HECW2: variants seen among roughly 807,000 people sequenced by gnomAD.
HECW2 encodes HECT, C2 and WW domain containing E3 ubiquitin protein ligase 2, also known as E3 ubiquitin-protein ligase HECW2.
A neutral mutation model predicts 175.2 loss-of-function variants in HECW2; 61 were observed. The observed-to-expected ratio is 0.35, with a 90% CI of 0.28 to 0.43. The LOEUF is 0.43. Among genes scored for constraint, HECW2 ranks in the 20% least tolerant of loss-of-function variants. The pLI, the probability that HECW2 is intolerant of heterozygous loss-of-function variation, is 1.00. For synonymous variants in HECW2, 671 were observed against 731.0 expected, an observed-to-expected ratio of 0.92 and a Z score of 1.32; for missense variants, 1,524 against 2,000.5, an observed-to-expected ratio of 0.76 and a Z score of 4.54.
At chr2:196,489,177 A>T (rs1295711927) in intron 1 of HECW2, among the ~76,000 whole-genome samples, 2 of 152,218 alleles carry the variant, frequency 1.3e-5, no homozygotes, top group African/African-American at 4.8e-5. Flanking sequence ...AGAAGACAGC[A>T]TGAGGTCATA....
In HECW2 at chr2:196,325,007, G is replaced by A. The variant is rs61743215; in HGVS notation, c.714C>T (p.Asn238=). 3,572 of 1,592,198 alleles carry A rather than the reference G, an allele frequency of 2.2e-3. 76 individuals are homozygous for A. The African/African-American group carries it at 0.042, about 19-fold the overall frequency. ...GQERRSTIIS[N]TTNPIWHREK... ...CTCGGTGCCAAATTGGATTGGTGGT[G>A]TTACTGATGATAGTAGACCGTCTCT... is the stretch of plus-strand genomic sequence containing the variant. Residue 238 remains asparagine (N), a synonymous_variant, in exon 6 of 29, where the codon AAC becomes AAT. Transcript: ENST00000644978.
chr2:196,218,855 C>G (rs1327523087), intron 26 of HECW2, among the ~76,000 whole-genome samples: 1 of 152,068 alleles, frequency 6.6e-6, no homozygotes, highest in East Asian at 1.9e-4. Context: ...ATACTTGGGC[C>G]AACTGGAAAA....
chr2:196,296,953 C>T (rs1001909757), intron 13 of HECW2, among the ~76,000 whole-genome samples: 1 of 152,090 alleles, frequency 6.6e-6, no homozygotes, highest in African/African-American at 2.4e-5. Context: ...GGATCCTTTT[C>T]TATGTTTGTT....
intron 13 of HECW2, among the ~76,000 whole-genome samples, 185 bp from the exon 14 acceptor site, chr2:196,292,935 T>C (rs1559016555): frequency 6.6e-6 from 1 of 152,122 alleles, no homozygotes; most frequent in Non-Finnish European, 1.5e-5. Context: ...AAATGAAACA[T>C]AAAGACTACA....
At chr2:196,211,015 A>G (rs1400376444) in intron 28 of HECW2, among the ~76,000 whole-genome samples, 1 of 152,206 alleles carries the variant, frequency 6.6e-6, no homozygotes, top group Non-Finnish European at 1.5e-5. Flanking sequence ...AACTGTCTCC[A>G]TAAGACATCT....
chr2:196,408,219 AT>A (rs1695015827), intron 2 of HECW2, among the ~76,000 whole-genome samples: 1 of 152,180 alleles, frequency 6.6e-6, no homozygotes, highest in African/African-American at 2.4e-5. Context: ...TATGCTATAT[AT>A]TTTTTTCATG....
intron 1 of HECW2, among the ~76,000 whole-genome samples, chr2:196,512,070 T>A (rs1276663004): frequency 6.6e-6 from 1 of 152,160 alleles, no homozygotes; most frequent in Admixed American, 6.5e-5. Flanking sequence ...GCCGAGCAGG[T>A]GAAGAAAATG....
intron 13 of HECW2, among the ~76,000 whole-genome samples, chr2:196,301,617 T>C (rs1196345802): frequency 1.3e-5 from 2 of 152,242 alleles, no homozygotes; most frequent in African/African-American, 4.8e-5. Context: ...TTTGCATTTC[T>C]ATAATGACCA....
intron 2 of HECW2, among the ~76,000 whole-genome samples, chr2:196,348,271 G>C (rs1012020944): frequency 3.9e-5 from 6 of 151,964 alleles, no homozygotes; most frequent in African/African-American, 1.5e-4. Context: ...TATATTCAAT[G>C]AACTATTCTT....
chr2:196,235,179 G>A (rs1559453912), intron 21 of HECW2, among the ~76,000 whole-genome samples: 1 of 149,820 alleles, frequency 6.7e-6, no homozygotes, highest in South Asian at 2.1e-4. Context: ...CTCACTGCAA[G>A]CTCTGCCTCC....
intron 2 of HECW2, among the ~76,000 whole-genome samples, chr2:196,378,082 C>A (rs1694101443): frequency 6.6e-6 from 1 of 152,160 alleles, no homozygotes; most frequent in Non-Finnish European, 1.5e-5. Context: ...TTGGCCTTTC[C>A]TTGGGTTGGG....
intron 2 of HECW2, among the ~76,000 whole-genome samples, chr2:196,348,531 CTAGT>C (rs924825867): frequency 2.6e-5 from 4 of 152,030 alleles, no homozygotes; most frequent in African/African-American, 9.7e-5. Flanking sequence ...ACCTGTAGCC[CTAGT>C]TACTCAGAAG....
chr2:196,526,195 C>T (rs1197395554), intron 1 of HECW2, among the ~76,000 whole-genome samples: 1 of 56,262 alleles, frequency 1.8e-5, no homozygotes, highest in African/African-American at 8.6e-5. Flanking sequence ...TCTTTTTTCT[C>T]TAAACTTCCC....
rs550389715 is a variant in HECW2 at position 196,261,195 on chromosome 2, A to G, written c.3336-3289T>C. ...TTCTCTTACAGTATTAACTTGCATC[A>G]TGAAAATGATCAAGTGGGGTTAAGT... On this transcript the variant is annotated intron_variant, in intron 17 of 28. Transcript: ENST00000644978. Among the ~76,000 whole-genome samples the G allele has an allele frequency of 3.3e-5, 5 of 152,368 alleles. No homozygotes were observed. In the South Asian group the frequency reaches 6.2e-4, roughly 19 times the overall value.
rs548018128 is a variant in HECW2, at chr2:196,317,121, G to A, written c.2434+153C>T. ...CAGAGAAGAGTCATTGGCCTAGCAC[G>A]TCCCGGACTACACCTGCTATGTCAA... On this transcript the variant is annotated intron_variant, in intron 10 of 28. Transcript: ENST00000644978. The A allele has an allele frequency of 3.4e-5, 21 of 612,904 alleles. 1 individual carries two copies. The highest frequency in any genetic ancestry group is 2.6e-4 in the South Asian group (13 of 50,832). The allele number at this position is 612,904 out of a possible 1,614,324, so 38.0% of individuals were successfully genotyped here.
intron 15 of HECW2, among the ~76,000 whole-genome samples, chr2:196,275,748 C>CT (rs1423467309): frequency 2.8e-5 from 4 of 142,558 alleles, no homozygotes; most frequent in African/African-American, 1.1e-4. Context: ...AAGACTCTGT[C>CT]TTAAAAAAAA....
At chr2:196,231,849 T>G (rs1012007687) in intron 21 of HECW2, among the ~76,000 whole-genome samples, 1 of 151,538 alleles carries the variant, frequency 6.6e-6, no homozygotes, top group Non-Finnish European at 1.5e-5. Flanking sequence ...ATTAGCAGAA[T>G]GTGGTGGTGG....
intron 2 of HECW2, among the ~76,000 whole-genome samples, chr2:196,398,116 T>A (rs1425601578): frequency 2.8e-5 from 3 of 105,916 alleles, no homozygotes; most frequent in African/African-American, 1.1e-4. Flanking sequence ...CTGGATGGGT[T>A]TGTGGGTGGG....
chr2:196,220,183 C>A, intron 25 of HECW2, 30 bp from the exon 26 acceptor site: 1 of 1,393,862 alleles, frequency 7.2e-7, no homozygotes, highest in South Asian at 1.2e-5. Flanking sequence ...CAAGGCATGG[C>A]TTAGGAGCCT....
Sources: allele counts gnomAD v4.1 joint callset (sites outside exome capture counted in the v4.1 genomes callset), GRCh38; gene constraint gnomAD v4.1.1; transcripts MANE v1.5; gene names NCBI Gene and HGNC (gene_info 2026-07-23, HGNC 2026-07-21).